Variants in ANO7 observed in about 807,000 individuals in gnomAD.
ANO7 encodes anoctamin-7.
Under a neutral mutation model 115.8 loss-of-function variants are expected in ANO7, and 114 were observed. That is an observed-to-expected ratio of 0.98 (90% confidence interval 0.85 to 1.15). The LOEUF (loss-of-function observed/expected upper bound fraction) is 1.15, where lower values mean the gene tolerates loss of function less well. ANO7 is among the 50% of genes most tolerant of loss of function. The pLI, the probability that ANO7 is intolerant of heterozygous loss-of-function variation, is 0.00. For synonymous variants in ANO7, 550 were observed against 498.2 expected (o/e 1.10, Z -1.38); for missense variants, 1,302 against 1,201.2 (o/e 1.08, Z -1.24).
chr2:241,192,465 G>A (rs78957208), intron 3 of ANO7, among the ~76,000 whole-genome samples: 31,546 of 152,098 alleles, frequency 0.21, 3,732 homozygotes, highest in Non-Finnish European at 0.28. Context: ...TTGCAGACGC[G>A]CCTTCTCCCT....
At chr2:241,220,810 GAAC>G (rs569211887) in intron 21 of ANO7, among the ~76,000 whole-genome samples, 5 of 147,124 alleles carry the variant, frequency 3.4e-5, no homozygotes, top group Admixed American at 6.8e-5. Context: ...AGAAAAACAA[GAAC>G]AACAAACAAA....
rs1458522169 is a variant in ANO7, at chr2:241,217,723, C to T, written c.2010C>T (p.Ala670=). The T allele has an allele frequency of 6.3e-7, 1 of 1,599,740 alleles. No homozygotes were observed. The highest frequency in any genetic ancestry group is 8.5e-7 in the Non-Finnish European group (1 of 1,173,920). The part of the protein sequence containing the change: ...QFGFVTIFVA[A]CPLAPLFALL... ...GCTTCGTCACCATCTTCGTGGCCGCCTGTCCGCTCGCGCCGCTCTTCGCCC... is the reference window on the plus strand; with the variant it reads ...GCTTCGTCACCATCTTCGTGGCCGCTTGTCCGCTCGCGCCGCTCTTCGCCC... Residue 670 remains alanine, a synonymous_variant, in exon 20 of 25, where the codon GCC becomes GCT. Transcript: ENST00000674324.
chr2:241,209,461 C>A, intron 12 of ANO7, 33 bp downstream of exon 12: 7 of 1,597,632 alleles, frequency 4.4e-6, no homozygotes, highest in Non-Finnish European at 5.1e-6. Context: ...CGGTCACACC[C>A]GGCGAGGGCC....
chr2:241,214,513 G>T (rs2149240835), intron 17 of ANO7, among the ~76,000 whole-genome samples: 1 of 152,360 alleles, frequency 6.6e-6, no homozygotes, highest in Middle Eastern at 3.4e-3. Flanking sequence ...AGAGGCTACA[G>T]TCAGCCCCAT....
At chr2:241,208,967 G>A (rs948874029) in intron 11 of ANO7, among the ~76,000 whole-genome samples, 5 of 152,106 alleles carry the variant, frequency 3.3e-5, no homozygotes, top group Non-Finnish European at 5.9e-5. Context: ...GGCTAACACG[G>A]TGAAACCTCG....
rs1260107101 is a variant in ANO7, at chr2:241,225,838, C to T, written c.*1685C>T. ...GGCGGACAGCACACACGGCCCGGGG[C>T]GGGAACCTTGGAAACTTTACACAGA... On this transcript the variant is annotated 3_prime_UTR_variant, in exon 25 of 25. Transcript: ENST00000674324. Among the ~76,000 whole-genome samples the T allele has an allele frequency of 6.6e-6, 1 of 152,156 alleles. No individual in the cohort carries two copies. Among genetic ancestry groups the T allele is most frequent in the Non-Finnish European group, 1.5e-5 (1 of 68,022 alleles).
chr2:241,225,075 C>G lies in ANO7; in HGVS notation c.*922C>G, dbSNP rs2069126164. On this transcript the variant is annotated 3_prime_UTR_variant, in exon 25 of 25. Coordinates refer to ENST00000674324, the MANE Select transcript of ANO7 (RefSeq NM_001370694.2). The stretch of plus-strand genomic sequence containing the variant: ...CTGGATCATAATGTGACGTGCAGTT[C>G]TGCCCTGTGCTGGGGAGCCACATGA... The G allele has an allele frequency of 6.6e-6, 1 of 152,200 alleles. No homozygotes were observed. 9.4% of individuals were successfully genotyped at this position (152,200 alleles called of 1,614,324 possible). A position where few individuals can be genotyped will look rare whatever the true frequency, so the allele number is the denominator to read the frequency against.
At chr2:241,217,538 A>T (rs1559455092) in intron 19 of ANO7, 148 bp from the exon 20 acceptor site, 2 of 923,994 alleles carry the variant, frequency 2.2e-6, no homozygotes, top group Non-Finnish European at 3.2e-6. Context: ...TGCGCGGTCC[A>T]GGACGAGGGA....
intron 9 of ANO7, among the ~76,000 whole-genome samples, chr2:241,204,661 G>C (rs1451103515): frequency 1.3e-5 from 2 of 152,132 alleles, no homozygotes; most frequent in Admixed American, 6.5e-5. Context: ...GGGGTGTCCA[G>C]AGTCTAGGGC....
rs756752578 is a variant in ANO7, at chr2:241,204,960, G to C, written c.980+5G>C. On this transcript the variant is annotated splice_donor_5th_base_variant and intron_variant, in intron 10 of 24. Coordinates refer to ENST00000674324, the MANE Select transcript of ANO7 (RefSeq NM_001370694.2). ...GGTGTTCTCAGACATACCCACGTGA[G>C]TGTTCCCTCTCCGCAGCTCTGGGGC... 1.9e-6 allele frequency: 3 copies of C among 1,613,700 alleles called. No homozygotes were observed. Among genetic ancestry groups the C allele is most frequent in the Non-Finnish European group, 2.5e-6 (3 of 1,179,670 alleles).
At chr2:241,209,473 C>T (rs201645386) in intron 12 of ANO7, 25 bp from the exon 13 acceptor site, 4 of 1,599,638 alleles carry the variant, frequency 2.5e-6, no homozygotes, top group East Asian at 2.2e-5. Flanking sequence ...GCGAGGGCCG[C>T]CACTGAGCAC....
chr2:241,230,768 G>T, downstream of ANO7: 1 of 1,614,008 alleles, frequency 6.2e-7, no homozygotes, highest in Non-Finnish European at 8.5e-7. This position sits in a 1 kb window ranked among gnomAD's most constrained non-coding sequence, Gnocchi z 5.0. Context: ...CCTTGAATTC[G>T]TCCATGATTT....
chr2:241,193,719 T>C (rs1393268342), intron 3 of ANO7, among the ~76,000 whole-genome samples: 1 of 151,666 alleles, frequency 6.6e-6, no homozygotes, highest in South Asian at 2.1e-4. Context: ...TGGCCTGGTA[T>C]TGTTAAAGTT....
intron 3 of ANO7, among the ~76,000 whole-genome samples, chr2:241,193,431 C>G (rs368003926): frequency 6.6e-6 from 1 of 152,106 alleles, no homozygotes; most frequent in Non-Finnish European, 1.5e-5. Flanking sequence ...CACGCCCCCT[C>G]TGTGTGTGTG....
chr2:241,188,868 C>A lies in ANO7; in HGVS notation c.-8+102C>A. ...CAGCCCACCGGGACTTTCACACACC[C>A]TGGCCTGTGGGGAGGCAGTGCCAGG... On this transcript the variant is annotated intron_variant, in intron 1 of 24. Coordinates refer to ENST00000674324, the MANE Select transcript of ANO7 (RefSeq NM_001370694.2). This position sits in a 1 kb window ranked among gnomAD's most constrained non-coding sequence, Gnocchi z 4.3. 1 of 1,461,056 alleles carries A rather than the reference C, an allele frequency of 6.8e-7. No homozygotes were observed. The highest frequency in any genetic ancestry group is 2.4e-5 in the East Asian group (1 of 41,816). 90.5% of individuals were successfully genotyped at this position (1,461,056 alleles called of 1,614,324 possible).
downstream of ANO7, among the ~76,000 whole-genome samples, chr2:241,230,481 G>A (rs1220621028): frequency 1.3e-5 from 2 of 152,244 alleles, no homozygotes; most frequent in African/African-American, 2.4e-5. The surrounding 1 kb of genome is among the most constrained non-coding windows in gnomAD (Gnocchi z 5.0). Context: ...GCCGCAGCAC[G>A]TACTGTGCGC....
At chr2:241,229,791 C>G, downstream of ANO7, 1 of 1,553,462 alleles carries the variant, frequency 6.4e-7, no homozygotes, top group Non-Finnish European at 8.7e-7. Context: ...CCTGCCCGCC[C>G]ACCCTCCCTG....
the ANO7 span, chr2:241,236,724 C>T: frequency 6.2e-7 from 1 of 1,614,184 alleles, no homozygotes. Context: ...TCTCCCCTCC[C>T]CAGCTTCGTC....
At chr2:241,210,649 C>A in intron 15 of ANO7, 79 bp downstream of exon 15, 1 of 1,109,898 alleles carries the variant, frequency 9.0e-7, no homozygotes, top group Non-Finnish European at 1.4e-6. Context: ...CTTTCTCACT[C>A]ACTGACACAC....
Sources: allele counts gnomAD v4.1 joint callset (sites outside exome capture counted in the v4.1 genomes callset), GRCh38; gene constraint gnomAD v4.1.1; non-coding constraint Gnocchi (gnomAD v3.1); transcripts MANE v1.5; gene names NCBI Gene and HGNC (gene_info 2026-07-23, HGNC 2026-07-21).